CLEC2A: variants seen among roughly 807,000 people sequenced by gnomAD.
CLEC2A encodes C-type lectin domain family 2 member A, also known as keratinocyte-associated C-type lectin.
CLEC2A carries 19 observed loss-of-function variants against 18.6 expected under a neutral mutation model. That is an observed-to-expected ratio of 1.02 (90% CI 0.71 to 1.50). The LOEUF is 1.50. Ranked by LOEUF, CLEC2A falls within the 40% of genes most tolerant of loss-of-function variation. The pLI is 0.00. For synonymous variants in CLEC2A, 74 were observed against 64.0 expected, an observed-to-expected ratio of 1.16 and a Z score of -0.75; for missense variants, 190 against 207.9, an observed-to-expected ratio of 0.91 and a Z score of 0.53.
chr12:9,886,814 A>T, the CLEC2A span, among the ~76,000 whole-genome samples: 5 of 150,548 alleles, frequency 3.3e-5, no homozygotes, highest in Non-Finnish European at 7.4e-5. Flanking sequence ...AGTGAGATAT[A>T]TAGATAGAGC....
At chr12:9,888,859 A>G in the CLEC2A span, 1 of 817,380 alleles carries the variant, frequency 1.2e-6, no homozygotes, top group Non-Finnish European at 2.0e-6. Context: ...GCGTTCACCC[A>G]TGTTACACAG....
chr12:9,932,339 C>T lies in CLEC2A; in HGVS notation c.-10G>A, dbSNP rs778374929. ...GCTCTGGATTAATCATGGCAAGGCGCTAACCGATGGAGATCAGTAGGAGAG... is the reference window on the plus strand; with the variant it reads ...GCTCTGGATTAATCATGGCAAGGCGTTAACCGATGGAGATCAGTAGGAGAG... On this transcript the variant is annotated 5_prime_UTR_variant, in exon 1 of 5. Transcript: ENST00000455827. 10 of 1,551,894 alleles carry T rather than the reference C, an allele frequency of 6.4e-6. No individual in the cohort carries two copies. In the South Asian group the frequency reaches 1.2e-4, roughly 18 times the overall value.
exon 5 of CLEC2A, chr12:9,898,975 G>A (rs916349880): frequency 5.6e-6 from 4 of 714,224 alleles, no homozygotes; most frequent in Non-Finnish European, 1.0e-5. Flanking sequence ...GAGTTTGATG[G>A]CCTGAAAGCA....
At chr12:9,898,487 C>T (rs147455335), downstream of CLEC2A, among the ~76,000 whole-genome samples, 127 of 152,308 alleles carry the variant, frequency 8.3e-4, no homozygotes, top group Middle Eastern at 6.8e-3. Context: ...TTACCTCCCA[C>T]TCTCCTTGAC....
At chr12:9,928,857 G>A (rs1252458668) in intron 1 of CLEC2A, among the ~76,000 whole-genome samples, 1 of 152,136 alleles carries the variant, frequency 6.6e-6, no homozygotes, top group Non-Finnish European at 1.5e-5. Flanking sequence ...AGTGTTAGCA[G>A]GATATAGGGG....
the CLEC2A span, among the ~76,000 whole-genome samples, chr12:9,888,236 ATC>A: frequency 6.6e-6 from 1 of 151,978 alleles, no homozygotes; most frequent in Non-Finnish European, 1.5e-5. Flanking sequence ...CACACCTGTA[ATC>A]TCAGCACTTT....
chr12:9,914,546 C>A (rs1863039076), intron 4 of CLEC2A, among the ~76,000 whole-genome samples: 1 of 152,156 alleles, frequency 6.6e-6, no homozygotes, highest in Non-Finnish European at 1.5e-5. Context: ...ATAGAGACCT[C>A]AGAAATAATG....
rs573742887 is a variant in CLEC2A at position 9,913,296 on chromosome 12, A to G, written c.*270T>C. The G allele has an allele frequency of 2.1e-5, 8 of 385,764 alleles. No homozygotes were observed. In the South Asian group the frequency reaches 3.4e-4, roughly 16 times the overall value. The allele number at this position is 385,764 out of a possible 1,614,324, so 23.9% of individuals were successfully genotyped here. On this transcript the variant is annotated 3_prime_UTR_variant, in exon 5 of 5. Transcript: ENST00000455827. ...AGCTAATCACCAGTGTGATGGTATT[A>G]GGGGATGGAGCCATCCATCAGGAGG...
At chr12:9,895,863 A>G (rs1862750897), downstream of CLEC2A, 4 of 1,491,926 alleles carry the variant, frequency 2.7e-6, no homozygotes, top group African/African-American at 1.4e-5. Context: ...AATACTTTGC[A>G]TGTTAAAGCA....
At chr12:9,896,594 T>C (rs1862758739), downstream of CLEC2A, among the ~76,000 whole-genome samples, 1 of 152,144 alleles carries the variant, frequency 6.6e-6, no homozygotes, top group Non-Finnish European at 1.5e-5. Flanking sequence ...TTTAATGTAA[T>C]GCTTCTAAAT....
chr12:9,898,942 G>A, exon 5 of CLEC2A: 2 of 716,292 alleles, frequency 2.8e-6, no homozygotes, highest in Non-Finnish European at 5.2e-6. Flanking sequence ...CATTGTCGGA[G>A]GCTCCAGTTG....
intron 2 of CLEC2A, 46 bp downstream of exon 2, chr12:9,926,214 T>A: frequency 8.6e-7 from 1 of 1,161,322 alleles, no homozygotes; most frequent in Non-Finnish European, 1.3e-6. Context: ...ACATGGACCC[T>A]TCAGGAGTGA....
At chr12:9,921,888 T>C (rs1015505968) in intron 3 of CLEC2A, among the ~76,000 whole-genome samples, 178 bp downstream of exon 3, 1 of 152,042 alleles carries the variant, frequency 6.6e-6, no homozygotes, top group Non-Finnish European at 1.5e-5. Context: ...AAGAGGAGGG[T>C]TTGCTCTTGC....
At chr12:9,889,083 G>C in the CLEC2A span, among the ~76,000 whole-genome samples, 2 of 152,220 alleles carry the variant, frequency 1.3e-5, no homozygotes, top group East Asian at 1.9e-4. Context: ...CCACTGATAG[G>C]TGTGACATGT....
At chr12:9,928,872 G>A (rs1007145200) in intron 1 of CLEC2A, among the ~76,000 whole-genome samples, 3 of 152,140 alleles carry the variant, frequency 2.0e-5, no homozygotes, top group Admixed American at 6.5e-5. Context: ...TAGGGGAACC[G>A]AAACACATAC....
the CLEC2A span, among the ~76,000 whole-genome samples, chr12:9,888,215 G>A: frequency 6.6e-6 from 1 of 152,042 alleles, no homozygotes; most frequent in South Asian, 2.1e-4. Flanking sequence ...TGCAGGCCGG[G>A]CATGGTGGCT....
intron 2 of CLEC2A, among the ~76,000 whole-genome samples, chr12:9,923,344 C>T (rs1863205457): frequency 6.6e-6 from 1 of 152,178 alleles, no homozygotes; most frequent in East Asian, 1.9e-4. Flanking sequence ...TCATCACTGG[C>T]CATCAAAGAA....
intron 1 of CLEC2A, among the ~76,000 whole-genome samples, chr12:9,927,959 T>A (rs990787650): frequency 1.3e-5 from 2 of 151,970 alleles, no homozygotes; most frequent in African/African-American, 4.8e-5. Context: ...CAAAAGGTAT[T>A]GAAACAATTG....
chr12:9,916,930 T>C (rs1863081644), intron 3 of CLEC2A, 127 bp from the exon 4 acceptor site: 2 of 630,918 alleles, frequency 3.2e-6, no homozygotes. Context: ...GATGCTTCTA[T>C]AACAACAAAC....
Sources: gnomAD v4.1 joint callset for allele counts (sites outside exome capture counted in the v4.1 genomes callset) on GRCh38, gnomAD v4.1.1 for gene constraint, MANE v1.5 for transcripts, NCBI Gene and HGNC (gene_info 2026-07-23, HGNC 2026-07-21) for gene names.